CHRM3: variants seen among roughly 807,000 people sequenced by gnomAD.
CHRM3 encodes cholinergic receptor muscarinic 3, also known as muscarinic acetylcholine receptor M3.
A neutral mutation model predicts 41.8 loss-of-function variants in CHRM3; 11 were observed. The ratio of observed to expected loss-of-function variants is 0.26; its 90% CI spans 0.17 to 0.44. The LOEUF (loss-of-function observed/expected upper bound fraction) is 0.44. CHRM3 is among the 20% of genes least tolerant of loss of function. CHRM3 has a pLI of 1.00. For missense variants in CHRM3, 571 were observed against 745.4 expected (o/e 0.77, Z 2.72); for synonymous variants, 297 against 301.4 (o/e 0.99, Z 0.15).
chr1:239,391,775 A>G (rs1425454226), intron 1 of CHRM3, among the ~76,000 whole-genome samples: 1 of 152,200 alleles, frequency 6.6e-6, no homozygotes, highest in Non-Finnish European at 1.5e-5. Flanking sequence ...TGAGAAAAAC[A>G]ATGGTGGCCA....
chr1:239,757,757 C>G (rs1268606598), intron 5 of CHRM3, among the ~76,000 whole-genome samples: 1 of 152,192 alleles, frequency 6.6e-6, no homozygotes, highest in Non-Finnish European at 1.5e-5. Context: ...CTGTGCCTTC[C>G]TCACTTTAAT....
chr1:239,907,378 C>A lies in CHRM3; in HGVS notation c.-19-55C>A. 7.1e-7 allele frequency: 1 copy of A among 1,415,018 alleles called. No individual in the cohort carries two copies. The highest frequency in any genetic ancestry group is 2.0e-5 in the Admixed American group (1 of 50,938). 87.7% of individuals were successfully genotyped at this position (1,415,018 alleles called of 1,614,324 possible). ...CTTTTAACGTATGTAATGCAAAGAACAAACAAATAAAGGCAGAAATTTTTC... is the reference window on the plus strand; with the variant it reads ...CTTTTAACGTATGTAATGCAAAGAAAAAACAAATAAAGGCAGAAATTTTTC... On this transcript the variant is annotated intron_variant, in intron 6 of 6. Coordinates refer to ENST00000676153, the MANE Select transcript of CHRM3 (RefSeq NM_001375978.1). This position sits in a 1 kb window ranked among gnomAD's most constrained non-coding sequence, Gnocchi z 5.4.
intron 6 of CHRM3, among the ~76,000 whole-genome samples, chr1:239,828,352 G>A (rs1036668348): frequency 6.6e-6 from 1 of 151,562 alleles, no homozygotes; most frequent in African/African-American, 2.4e-5. Flanking sequence ...ATATATATAT[G>A]CACCTATATA....
intron 1 of CHRM3, among the ~76,000 whole-genome samples, chr1:239,436,850 G>T (rs1663312753): frequency 6.6e-6 from 1 of 151,858 alleles, no homozygotes; most frequent in Non-Finnish European, 1.5e-5. Flanking sequence ...TGATTTAACG[G>T]ATGCTGTTAC....
chr1:239,513,149 T>G (rs1469617448), intron 2 of CHRM3, among the ~76,000 whole-genome samples: 3 of 152,164 alleles, frequency 2.0e-5, no homozygotes, highest in East Asian at 1.9e-4. Context: ...ATTTTAGATG[T>G]TTTTATGGGT....
intron 1 of CHRM3, among the ~76,000 whole-genome samples, chr1:239,391,558 C>T (rs12562702): frequency 0.065 from 9,951 of 152,174 alleles, 603 homozygotes; most frequent in East Asian, 0.31. Flanking sequence ...ACTTCCCGCT[C>T]ATCCCCTCCT....
At chr1:239,427,654 G>A (rs1030954990) in intron 1 of CHRM3, among the ~76,000 whole-genome samples, 8 of 152,040 alleles carry the variant, frequency 5.3e-5, no homozygotes, top group African/African-American at 1.9e-4. Flanking sequence ...AAGGGTGGAT[G>A]GTGGAATAGT....
At chr1:239,688,596 A>G (rs929728594) in intron 5 of CHRM3, among the ~76,000 whole-genome samples, 1 of 133,640 alleles carries the variant, frequency 7.5e-6, no homozygotes, top group South Asian at 2.2e-4. Flanking sequence ...CATATAATAT[A>G]ATATATTATA....
chr1:239,686,831 G>A (rs185726638), intron 5 of CHRM3, among the ~76,000 whole-genome samples: 189 of 152,260 alleles, frequency 1.2e-3, no homozygotes, highest in South Asian at 3.7e-3. Flanking sequence ...TCAGCAGAGA[G>A]TTTCATTAAC....
chr1:239,440,057 C>T (rs10159111), intron 1 of CHRM3, among the ~76,000 whole-genome samples: 2 of 151,698 alleles, frequency 1.3e-5, no homozygotes, highest in Non-Finnish European at 1.5e-5. Flanking sequence ...AATTAGCCAG[C>T]CATGGTGGTG....
intron 5 of CHRM3, among the ~76,000 whole-genome samples, chr1:239,695,156 G>T (rs1357425338): frequency 6.6e-6 from 1 of 151,990 alleles, no homozygotes. Flanking sequence ...GACTACAGGC[G>T]CATGCCACCA....
intron 1 of CHRM3, among the ~76,000 whole-genome samples, chr1:239,456,604 G>A (rs556886724): frequency 2.0e-5 from 3 of 152,284 alleles, no homozygotes; most frequent in East Asian, 1.9e-4. Flanking sequence ...ATGCGTGACC[G>A]TATGTGTTTC....
intron 6 of CHRM3, among the ~76,000 whole-genome samples, chr1:239,840,348 CA>C (rs1286437562): frequency 2.0e-5 from 3 of 152,198 alleles, no homozygotes; most frequent in Non-Finnish European, 4.4e-5. Flanking sequence ...AAAAGCTCAT[CA>C]GTGGCCTGCA....
chr1:239,565,013 G>A (rs1661218448), intron 3 of CHRM3, among the ~76,000 whole-genome samples: 1 of 152,128 alleles, frequency 6.6e-6, no homozygotes, highest in Admixed American at 6.5e-5. Flanking sequence ...CGCTTCTGGT[G>A]GTTGTGGCGC....
chr1:239,885,345 G>A (rs962780270), intron 6 of CHRM3, among the ~76,000 whole-genome samples: 8 of 152,108 alleles, frequency 5.3e-5, no homozygotes, highest in African/African-American at 1.9e-4. Context: ...CAGGAGGTCC[G>A]GAGTACGGTC....
At chr1:239,677,237 A>G (rs966911573) in intron 4 of CHRM3, among the ~76,000 whole-genome samples, 1 of 152,226 alleles carries the variant, frequency 6.6e-6, no homozygotes, top group Non-Finnish European at 1.5e-5. Flanking sequence ...CTTTTTGAGA[A>G]CAAGACCAAG....
chr1:239,890,057 G>A (rs777422021), intron 6 of CHRM3, among the ~76,000 whole-genome samples: 1 of 152,192 alleles, frequency 6.6e-6, no homozygotes, highest in Non-Finnish European at 1.5e-5. Flanking sequence ...GCTCACGCCT[G>A]TAATCCCAGC....
intron 5 of CHRM3, among the ~76,000 whole-genome samples, chr1:239,712,839 T>C (rs556680666): frequency 7.9e-4 from 120 of 152,092 alleles, no homozygotes; most frequent in African/African-American, 2.7e-3. Flanking sequence ...CCTGACCATA[T>C]CTGGACTATT....
At chr1:239,722,821 A>G (rs1010511588) in intron 5 of CHRM3, among the ~76,000 whole-genome samples, 1 of 151,938 alleles carries the variant, frequency 6.6e-6, no homozygotes, top group African/African-American at 2.4e-5. Context: ...ATTGAATCTC[A>G]TATTTCTTAT....
Sources: allele counts gnomAD v4.1 joint callset (sites outside exome capture counted in the v4.1 genomes callset), GRCh38; gene constraint gnomAD v4.1.1; non-coding constraint Gnocchi (gnomAD v3.1); transcripts MANE v1.5; gene names NCBI Gene and HGNC (gene_info 2026-07-23, HGNC 2026-07-21).